ZNF140: variants seen among roughly 807,000 people sequenced by gnomAD.
ZNF140 encodes the protein zinc finger protein 140 (clone pHZ-39).
In ZNF140, 13 loss-of-function variants were observed where a neutral mutation model predicts 12.9. The ratio of observed to expected loss-of-function variants is 1.01; its 90% CI spans 0.66 to 1.60. The LOEUF is 1.60. Among genes scored for constraint, ZNF140 ranks in the 40% most tolerant of loss-of-function variants. ZNF140 has a pLI of 0.00. For synonymous variants in ZNF140, 214 were observed against 186.7 expected, an observed-to-expected ratio of 1.15 and a Z score of -1.19; for missense variants, 531 against 548.8, an observed-to-expected ratio of 0.97 and a Z score of 0.32.
chr12:133,103,053 C>T (rs918970218), intron 4 of ZNF140, among the ~76,000 whole-genome samples: 4 of 152,062 alleles, frequency 2.6e-5, no homozygotes, highest in Non-Finnish European at 4.4e-5. Context: ...AATGACTGTA[C>T]GTTTATGAAG....
chr12:133,082,409 C>T (rs1954533541), intron 2 of ZNF140: 2 of 152,272 alleles, frequency 1.3e-5, no homozygotes, highest in Non-Finnish European at 2.9e-5. Flanking sequence ...AATTCCCATT[C>T]ATGCCTTATA....
In ZNF140 at chr12:133,081,053, C is replaced by T. The variant is rs1249525866; in HGVS notation, c.-68C>T. The T allele has an allele frequency of 4.8e-6, 1 of 208,710 alleles. No homozygotes were observed. The highest frequency in any genetic ancestry group is 2.3e-5 in the African/African-American group (1 of 42,652). 12.9% of individuals were successfully genotyped at this position (208,710 alleles called of 1,614,324 possible). On this transcript the variant is annotated 5_prime_UTR_variant, in exon 1 of 5. Transcript: ENST00000355557. ...GGCGGAAAGCACCACGGAAACGCAT[C>T]CTTCTGTGGCCACTGTTAGGTGAGG...
rs1458913634 is a variant in ZNF140, at chr12:133,106,462, C to G, written c.1185C>G (p.Ser395Arg). ...YACAECDKAF[S>R]RSFSLILHQR... ...GTGCTGAATGTGATAAAGCCTTCAG[C>G]CGGAGCTTTTCCCTCATTCTACATC... Residue 395 changes from serine to arginine, a missense_variant, in exon 5 of 5, where the codon AGC becomes AGG. By Grantham distance (110) the Ser-to-Arg change is moderately radical (BLOSUM62 -1). Coordinates refer to ENST00000355557, the MANE Select transcript of ZNF140 (RefSeq NM_003440.4). The G allele has an allele frequency of 4.3e-6, 7 of 1,613,902 alleles. No individual in the cohort carries two copies. The highest frequency in any genetic ancestry group is 1.3e-5 in the African/African-American group (1 of 74,892).
chr12:133,106,017 G>T lies in ZNF140; in HGVS notation c.740G>T (p.Cys247Phe), dbSNP rs570468517. The change falls in exon 5 of 5, where the codon TGT (cysteine) becomes TTT (phenylalanine). Residue 247 changes from cysteine (C) to phenylalanine (F), a missense_variant. Coordinates refer to ENST00000355557, the MANE Select transcript of ZNF140 (RefSeq NM_003440.4). ...RTHTGEKPYECTECGKAFSRA... is the reference protein window; with the variant it reads ...RTHTGEKPYEFTECGKAFSRA... The stretch of plus-strand genomic sequence containing the variant: ...CACACTGGGGAGAAACCTTATGAAT[G>T]TACTGAGTGTGGAAAGGCCTTTAGC... The T allele has an allele frequency of 6.2e-7, 1 of 1,614,122 alleles. No homozygotes were observed. Among genetic ancestry groups the T allele is most frequent in the Non-Finnish European group, 8.5e-7 (1 of 1,180,040 alleles).
rs550091729 is a variant in ZNF140 at position 133,107,299 on chromosome 12, T to TA, written c.*649dup. 6.2e-4 allele frequency: 94 copies of TA among 152,370 alleles called. No homozygotes were observed. Among genetic ancestry groups the TA allele is most frequent in the African/African-American group, 2.2e-3 (93 of 41,600 alleles). 9.4% of individuals were successfully genotyped at this position (152,370 alleles called of 1,614,324 possible). A position where few individuals can be genotyped will look rare whatever the true frequency, so the allele number is the denominator to read the frequency against. On this transcript the variant is annotated 3_prime_UTR_variant, in exon 5 of 5. Transcript: ENST00000355557. ...TGTAATAAGTGTAGCAAAATCTCCT[T>TA]AGATATCTGAAAAGTCATACTGGAT...
intron 4 of ZNF140, among the ~76,000 whole-genome samples, chr12:133,083,814 G>A (rs1319950094): frequency 6.6e-6 from 1 of 152,010 alleles, no homozygotes; most frequent in African/African-American, 2.4e-5. Flanking sequence ...AAAAAAATTT[G>A]CCGGGCTTGG....
intron 4 of ZNF140, among the ~76,000 whole-genome samples, chr12:133,097,767 C>T (rs1019636190): frequency 8.2e-4 from 125 of 151,538 alleles, no homozygotes; most frequent in African/African-American, 2.8e-3. Flanking sequence ...GATCCTTTTG[C>T]CTCAGTCTCC....
intron 4 of ZNF140, among the ~76,000 whole-genome samples, chr12:133,090,534 T>G (rs1043930549): frequency 1.6e-4 from 24 of 152,072 alleles, no homozygotes; most frequent in African/African-American, 5.8e-4. Flanking sequence ...ATGATTGATT[T>G]ATGAAGGGGT....
At chr12:133,095,949 A>C (rs868690277) in intron 4 of ZNF140, among the ~76,000 whole-genome samples, 25 of 151,474 alleles carry the variant, frequency 1.7e-4, no homozygotes, top group Non-Finnish European at 3.0e-4. Context: ...ATACCGAGAC[A>C]TTCAGTTCCC....
chr12:133,097,754 A>G (rs1442109796), intron 4 of ZNF140, among the ~76,000 whole-genome samples: 1 of 151,994 alleles, frequency 6.6e-6, no homozygotes, highest in East Asian at 1.9e-4. Flanking sequence ...CTTGGGCTCA[A>G]GAGATCCTTT....
At chr12:133,082,538 T>C (rs1954537216) in intron 2 of ZNF140, 2 of 153,790 alleles carry the variant, frequency 1.3e-5, no homozygotes, top group Non-Finnish European at 2.9e-5. Flanking sequence ...TATTACATTC[T>C]CTTCTTGCGG....
intron 4 of ZNF140, among the ~76,000 whole-genome samples, chr12:133,087,965 A>C (rs1244664508): frequency 2.6e-5 from 4 of 152,082 alleles, no homozygotes; most frequent in African/African-American, 9.7e-5. Context: ...ACCCGTCTCT[A>C]CTAAAAATAC....
intron 4 of ZNF140, among the ~76,000 whole-genome samples, chr12:133,090,782 T>C (rs1020751610): frequency 3.6e-4 from 51 of 141,932 alleles, no homozygotes; most frequent in African/African-American, 1.3e-3. Context: ...AAGGAGAAGG[T>C]CAGCAAAAAA....
intron 4 of ZNF140, chr12:133,101,027 G>C (rs1356119894): frequency 2.2e-6 from 1 of 452,216 alleles, no homozygotes; most frequent in Non-Finnish European, 4.4e-6. Context: ...GAGGACTACT[G>C]TAATTCCCAG....
At chr12:133,099,939 T>C (rs1220721402) in intron 4 of ZNF140, among the ~76,000 whole-genome samples, 1 of 151,932 alleles carries the variant, frequency 6.6e-6, no homozygotes, top group Non-Finnish European at 1.5e-5. Flanking sequence ...GAGAGTTTTT[T>C]TTTTTTCTCT....
At chr12:133,093,393 G>A (rs939403333) in intron 4 of ZNF140, 3 of 697,018 alleles carry the variant, frequency 4.3e-6, no homozygotes, top group Non-Finnish European at 7.8e-6. Context: ...TCTGGAGTTT[G>A]TGTTACTCTT....
At chr12:133,089,307 C>T (rs369949590) in intron 4 of ZNF140, among the ~76,000 whole-genome samples, 7 of 151,874 alleles carry the variant, frequency 4.6e-5, no homozygotes, top group Non-Finnish European at 7.4e-5. Context: ...CAACTTCCCC[C>T]GGCCCAGGTG....
intron 4 of ZNF140, 83 bp downstream of exon 4, chr12:133,083,644 A>G: frequency 7.4e-7 from 1 of 1,352,750 alleles, no homozygotes; most frequent in Non-Finnish European, 1.0e-6. Context: ...TAATATGTTG[A>G]TTGGAAAATT....
intron 4 of ZNF140, among the ~76,000 whole-genome samples, chr12:133,103,773 TTC>T (rs1955454576): frequency 6.6e-6 from 1 of 152,190 alleles, no homozygotes; most frequent in Non-Finnish European, 1.5e-5. Context: ...TTCTTCTGTG[TTC>T]TCTTTCCCTA....
Sources: gnomAD v4.1 joint callset for allele counts (sites outside exome capture counted in the v4.1 genomes callset) on GRCh38, gnomAD v4.1.1 for gene constraint, MANE v1.5 for transcripts, NCBI Gene and HGNC (gene_info 2026-07-23, HGNC 2026-07-21) for gene names.